The following SYT1 variants were observed in gnomAD, a reference collection of about 807,000 sequenced individuals.
SYT1 encodes synaptotagmin-1.
A neutral mutation model predicts 44.8 loss-of-function variants in SYT1; 8 were observed. The observed-to-expected ratio is 0.18, with a 90% confidence interval of 0.10 to 0.32. SYT1 has a LOEUF of 0.32. Among genes scored for constraint, SYT1 ranks in the 10% least tolerant of loss-of-function variants. The pLI, the probability that SYT1 is intolerant of heterozygous loss-of-function variation, is 1.00. For missense variants in SYT1, 286 were observed against 509.3 expected (o/e 0.56, Z 4.22); for synonymous variants, 154 against 188.8 (o/e 0.82, Z 1.51).
intron 3 of SYT1, among the ~76,000 whole-genome samples, chr12:79,161,862 C>T (rs1366204413): frequency 6.6e-6 from 1 of 152,078 alleles, no homozygotes; most frequent in Non-Finnish European, 1.5e-5. Flanking sequence ...AACCCAAATG[C>T]TTACAGAAGA....
At chr12:78,911,195 C>T (rs180893410) in intron 1 of SYT1, among the ~76,000 whole-genome samples, 4 of 151,880 alleles carry the variant, frequency 2.6e-5, no homozygotes, top group African/African-American at 4.8e-5. Context: ...TACAACTAGA[C>T]GGATGTGGGT....
chr12:79,032,124 G>C (rs1206806293), intron 2 of SYT1, among the ~76,000 whole-genome samples: 1 of 151,154 alleles, frequency 6.6e-6, no homozygotes, highest in Non-Finnish European at 1.5e-5. Flanking sequence ...GATTGGCAAG[G>C]TAAATTCTGA....
chr12:79,197,294 G>A (rs923697590), intron 3 of SYT1, among the ~76,000 whole-genome samples: 5 of 152,128 alleles, frequency 3.3e-5, no homozygotes, highest in African/African-American at 1.2e-4. Context: ...ACGCAACTTG[G>A]AGTAATATAA....
At chr12:79,270,241 T>A (rs1440309048) in intron 4 of SYT1, among the ~76,000 whole-genome samples, 1 of 152,176 alleles carries the variant, frequency 6.6e-6, no homozygotes, top group South Asian at 2.1e-4. Context: ...TCTAGAAAGA[T>A]GATGGATTAT....
intron 1 of SYT1, among the ~76,000 whole-genome samples, chr12:78,895,241 T>TAA (rs147783551): frequency 6.6e-6 from 1 of 151,522 alleles, no homozygotes; most frequent in African/African-American, 2.4e-5. Flanking sequence ...TGAGCAAAGA[T>TAA]AAAAAAGTGT....
At chr12:79,118,846 G>A (rs188722697) in intron 3 of SYT1, among the ~76,000 whole-genome samples, 7 of 152,182 alleles carry the variant, frequency 4.6e-5, no homozygotes, top group Admixed American at 3.9e-4. Context: ...GGTTTCAATT[G>A]CTACTTATAT....
chr12:79,448,280 G>A (rs182070259), intron 10 of SYT1, among the ~76,000 whole-genome samples: 53 of 152,204 alleles, frequency 3.5e-4, no homozygotes, highest in Admixed American at 3.2e-3. Context: ...CTAAGAGAAC[G>A]TATGGATGAG....
At chr12:79,158,371 T>C (rs1388936425) in intron 3 of SYT1, among the ~76,000 whole-genome samples, 1 of 152,044 alleles carries the variant, frequency 6.6e-6, no homozygotes, top group East Asian at 1.9e-4. Flanking sequence ...TCACTGCTGA[T>C]CTGACAAGAG....
In SYT1 at chr12:79,058,005, A is replaced by G. The variant is rs1035788300; in HGVS notation, c.-18+10643A>G. ...ATTATGCCTAGTAACATAATTCCAG[A>G]AAGAAATGGGTTTGGACAATTGTAT... On this transcript the variant is annotated intron_variant, in intron 3 of 10. Transcript: ENST00000261205. Among the ~76,000 whole-genome samples, 9 of 152,048 alleles carry G rather than the reference A, an allele frequency of 5.9e-5. No individual in the cohort carries two copies. The South Asian group carries it at 6.2e-4, about 10-fold the overall frequency.
chr12:78,935,882 G>A (rs1397955501), intron 1 of SYT1, among the ~76,000 whole-genome samples: 1 of 152,100 alleles, frequency 6.6e-6, no homozygotes, highest in Non-Finnish European at 1.5e-5. Context: ...AGCCACCTAA[G>A]CTATATCTTA....
intron 3 of SYT1, among the ~76,000 whole-genome samples, chr12:79,145,512 T>C (rs946600148): frequency 5.9e-5 from 9 of 152,186 alleles, no homozygotes; most frequent in Non-Finnish European, 1.3e-4. Context: ...GTATGGTATG[T>C]ATGCTTACAA....
chr12:78,948,702 T>G (rs1007939084), intron 1 of SYT1, among the ~76,000 whole-genome samples: 5 of 151,928 alleles, frequency 3.3e-5, no homozygotes, highest in African/African-American at 1.2e-4. Context: ...GAATTCATTT[T>G]CCTTTCATCT....
intron 2 of SYT1, among the ~76,000 whole-genome samples, chr12:79,005,948 T>C (rs1463407231): frequency 6.6e-6 from 1 of 152,102 alleles, no homozygotes; most frequent in African/African-American, 2.4e-5. Flanking sequence ...GCCATTTGGA[T>C]AGGCGCTCTG....
intron 9 of SYT1, among the ~76,000 whole-genome samples, chr12:79,377,654 G>A (rs535817642): frequency 3.9e-5 from 6 of 152,296 alleles, no homozygotes; most frequent in Non-Finnish European, 8.8e-5. Context: ...AGGCAGAGTT[G>A]CTTTTGGAAA....
At position 79,300,789 on chromosome 12, in the gene SYT1, TTATATATA is replaced by T. The variant is rs56934430; in HGVS notation, c.810+1266_810+1273del. 1.3e-3 allele frequency among the ~76,000 whole-genome samples: 118 copies of T among 89,608 alleles called. 1 individual carries two copies. Among genetic ancestry groups the T allele is most frequent in the South Asian group, 4.8e-3 (10 of 2,100 alleles). The allele number at this position is 89,608 out of a possible 152,430, so 58.8% of individuals were successfully genotyped here. A position where few individuals can be genotyped will look rare whatever the true frequency, so the allele number is the denominator to read the frequency against. On this transcript the variant is annotated intron_variant, in intron 8 of 10. Coordinates refer to ENST00000261205, the MANE Select transcript of SYT1 (RefSeq NM_005639.3). ...TGTATATAATATTCATGTATACTTA[TTATATATA>T]TATATATATATATATATATATATAT...
chr12:79,376,336 T>C lies in SYT1; in HGVS notation c.928+22717T>C, dbSNP rs1210891754. 3.3e-5 allele frequency among the ~76,000 whole-genome samples: 5 copies of C among 152,358 alleles called. No homozygotes were observed. The East Asian group carries it at 9.6e-4, about 29-fold the overall frequency. The stretch of plus-strand genomic sequence containing the variant: ...TTTTTATGGTCATTTCTTGATGATA[T>C]GCTGAACAAAGGGTGGATTATTCAT... On this transcript the variant is annotated intron_variant, in intron 9 of 10. Transcript: ENST00000261205.
At chr12:78,912,198 ATCT>A (rs1248280066) in intron 1 of SYT1, among the ~76,000 whole-genome samples, 2 of 151,948 alleles carry the variant, frequency 1.3e-5, no homozygotes, top group African/African-American at 4.8e-5. Context: ...TTTTTACCCC[ATCT>A]TCTTCCTTTC....
At chr12:79,244,822 G>A (rs985731695) in intron 4 of SYT1, among the ~76,000 whole-genome samples, 3 of 151,382 alleles carry the variant, frequency 2.0e-5, no homozygotes, top group Non-Finnish European at 4.4e-5. Flanking sequence ...TGGGATTCTA[G>A]TTTGACTTTT....
At chr12:78,981,568 C>T (rs74499572) in intron 2 of SYT1, among the ~76,000 whole-genome samples, 2,985 of 152,010 alleles carry the variant, frequency 0.02, 99 homozygotes, top group African/African-American at 0.068. Flanking sequence ...GAAGGGAGAA[C>T]TAATGAATCT....
Sources: gnomAD v4.1 joint callset for allele counts (sites outside exome capture counted in the v4.1 genomes callset) on GRCh38, gnomAD v4.1.1 for gene constraint, MANE v1.5 for transcripts, NCBI Gene and HGNC (gene_info 2026-07-23, HGNC 2026-07-21) for gene names.